CACNA1B: variants seen among roughly 807,000 people sequenced by gnomAD.
The protein encoded by CACNA1B is voltage-dependent N-type calcium channel subunit alpha-1B.
In CACNA1B, 70 loss-of-function variants were observed where a neutral mutation model predicts 247.2. The ratio of observed to expected loss-of-function variants is 0.28; its 90% CI spans 0.23 to 0.35. CACNA1B has a LOEUF of 0.35. Among genes scored for constraint, CACNA1B ranks in the 10% least tolerant of loss-of-function variants. The probability of loss-of-function intolerance (pLI) is 1.00; values close to 1 mark genes in which losing one functional copy is unlikely to be tolerated. For missense variants in CACNA1B, 2,367 were observed against 3,197.4 expected (o/e 0.74, Z 6.26); for synonymous variants, 1,231 against 1,294.4 (o/e 0.95, Z 1.05).
chr9:137,927,360 T>G (rs572193826), intron 6 of CACNA1B, among the ~76,000 whole-genome samples: 20 of 152,224 alleles, frequency 1.3e-4, no homozygotes, highest in Middle Eastern at 3.4e-3. Context: ...GTAGCTGGGA[T>G]TACAGGCATC....
At position 137,986,588 on chromosome 9, in the gene CACNA1B, G is replaced by A. The variant is rs902372834; in HGVS notation, c.1901+44G>A. ...GAGAGCTCAAGGCTGGGGGCTTGCA[G>A]GGAAGCAGAGCTCAGAGCAGACGGT... is the stretch of plus-strand genomic sequence containing the variant. On this transcript the variant is annotated intron_variant, in intron 14 of 46. Transcript: ENST00000371372. The surrounding 1 kb of genome is among the most constrained non-coding windows in gnomAD (Gnocchi z 6.0). The A allele has an allele frequency of 3.7e-6, 6 of 1,610,382 alleles. No individual in the cohort carries two copies. In the African/African-American group the frequency reaches 4.0e-5, roughly 11 times the overall value.
intron 10 of CACNA1B, among the ~76,000 whole-genome samples, chr9:137,962,160 T>C (rs1270623689): frequency 6.6e-6 from 1 of 152,316 alleles, no homozygotes; most frequent in East Asian, 1.9e-4. Flanking sequence ...TTCTAGTTTA[T>C]GTGCATAGAG....
chr9:138,066,329 C>A (rs1959913447), intron 31 of CACNA1B, among the ~76,000 whole-genome samples: 1 of 152,214 alleles, frequency 6.6e-6, no homozygotes, highest in Non-Finnish European at 1.5e-5. Context: ...CGCCTGTACT[C>A]CCAGAACTTT....
chr9:138,094,457 A>AAAAAAAAAAAAAAGAAG (rs752912258), intron 36 of CACNA1B, among the ~76,000 whole-genome samples: 263 of 134,694 alleles, frequency 2.0e-3, no homozygotes, highest in Non-Finnish European at 3.6e-3. Context: ...AAAAAAAAAA[A>AAAAAAAAAAAAAAGAAG]AAGAAGAAGA....
intron 15 of CACNA1B, among the ~76,000 whole-genome samples, chr9:137,989,329 C>T (rs1180615590): frequency 2.6e-5 from 4 of 151,948 alleles, no homozygotes; most frequent in South Asian, 4.2e-4. Context: ...ATGGGTGAGC[C>T]GGAGGATGTG....
intron 39 of CACNA1B, among the ~76,000 whole-genome samples, chr9:138,107,722 C>T (rs1257455374): frequency 1.3e-5 from 2 of 152,114 alleles, no homozygotes; most frequent in African/African-American, 2.4e-5. Flanking sequence ...CAGTGGCTCA[C>T]GTCTGTAGTC....
chr9:138,044,443 T>G (rs1164101676), intron 21 of CACNA1B, among the ~76,000 whole-genome samples: 1 of 152,220 alleles, frequency 6.6e-6, no homozygotes, highest in East Asian at 1.9e-4. Flanking sequence ...TAAGCCTGTG[T>G]GCTGGTGGGA....
chr9:138,118,748 C>G lies in CACNA1B; in HGVS notation c.6010C>G (p.Arg2004Gly). 6.6e-7 allele frequency: 1 copy of G among 1,523,516 alleles called. No individual in the cohort carries two copies. Among genetic ancestry groups the G allele is most frequent in the East Asian group, 2.5e-5 (1 of 40,682 alleles). 94.4% of individuals were successfully genotyped at this position (1,523,516 alleles called of 1,614,324 possible). Residue 2004 changes from arginine to glycine, a missense_variant, in exon 44 of 47, where the codon CGC (arginine) becomes GGC (glycine). By Grantham distance (125) the Arg-to-Gly change is moderately radical. Coordinates refer to ENST00000371372, the MANE Select transcript of CACNA1B (RefSeq NM_000718.4). ...ESQGRAASMPRLAAETQPVTD... is the reference protein window; with the variant it reads ...ESQGRAASMPGLAAETQPVTD... ...CCAGGGTCGAGCGGCCTCCATGCCC[C>G]GCCTTGCGGCCGAGACTCAGGTAGG...
rs1226060686 is a variant in CACNA1B, at chr9:137,882,663, G to A, written c.391-81G>A. ...ATAGCTGTGGCCTGCACATGGTGGGGTGGGGTCCTCACCAACCGTCTCTGC... is the reference window on the plus strand; with the variant it reads ...ATAGCTGTGGCCTGCACATGGTGGGATGGGGTCCTCACCAACCGTCTCTGC... On this transcript the variant is annotated intron_variant, in intron 2 of 46. Transcript: ENST00000371372. This position sits in a 1 kb window ranked among gnomAD's most constrained non-coding sequence, Gnocchi z 4.0. 2.9e-5 allele frequency: 45 copies of A among 1,530,768 alleles called. No homozygotes were observed. The highest frequency in any genetic ancestry group is 3.7e-5 in the Non-Finnish European group (41 of 1,111,440). 94.8% of individuals were successfully genotyped at this position (1,530,768 alleles called of 1,614,324 possible). A position where few individuals can be genotyped will look rare whatever the true frequency, so the allele number is the denominator to read the frequency against.
In CACNA1B at chr9:138,085,495, T is replaced by A. The variant is rs1351219680; in HGVS notation, c.5094+7237T>A. Among the ~76,000 whole-genome samples, 4 of 151,230 alleles carry A rather than the reference T, an allele frequency of 2.6e-5. No homozygotes were observed. The East Asian group carries it at 8.1e-4, about 31-fold the overall frequency. On this transcript the variant is annotated intron_variant, in intron 36 of 46. Transcript: ENST00000371372. Reference sequence around the variant, plus strand: ...AAGTAATAGCTGGAAAATTCCCAAGTCTGGGGAGAGATGTGGACATCCAAA... The same window carrying A: ...AAGTAATAGCTGGAAAATTCCCAAGACTGGGGAGAGATGTGGACATCCAAA...
At position 138,057,745 on chromosome 9, in the gene CACNA1B, G is replaced by A. The variant is rs747771087; in HGVS notation, c.3982G>A (p.Asp1328Asn). Residue 1328 changes from aspartate to asparagine, a missense_variant, in exon 27 of 47, where the codon GAT becomes AAT. This residue lies in a region of CACNA1B where 436 missense variants were observed against 679.5 expected (regional missense o/e 0.64). Coordinates refer to ENST00000371372, the MANE Select transcript of CACNA1B (RefSeq NM_000718.4). This position sits in a 1 kb window ranked among gnomAD's most constrained non-coding sequence, Gnocchi z 4.0. ...TCTCATTCCTAGGGGTCAGTATTTG[G>A]ATTATGAGAAGGAGGAAGTGGAAGC... ...LERDCRGQYL[D>N]YEKEEVEAQP... 15 of 1,612,262 alleles carry A rather than the reference G, an allele frequency of 9.3e-6. No individual in the cohort carries two copies. Among genetic ancestry groups the A allele is most frequent in the Non-Finnish European group, 1.3e-5 (15 of 1,178,888 alleles).
chr9:138,041,773 T>A (rs533974666), intron 20 of CACNA1B, among the ~76,000 whole-genome samples: 1 of 152,306 alleles, frequency 6.6e-6, no homozygotes, highest in South Asian at 2.1e-4. Context: ...TTATTTATTT[T>A]AGAGACAATC....
intron 20 of CACNA1B, among the ~76,000 whole-genome samples, chr9:138,037,689 A>G (rs945946049): frequency 2.6e-5 from 4 of 152,158 alleles, no homozygotes; most frequent in East Asian, 1.9e-4. Flanking sequence ...AAAAGAGAGA[A>G]AAAATCCAGT....
At chr9:137,915,834 A>G (rs1341831263) in intron 5 of CACNA1B, among the ~76,000 whole-genome samples, 2 of 151,916 alleles carry the variant, frequency 1.3e-5, no homozygotes, top group Non-Finnish European at 2.9e-5. Flanking sequence ...AAAAAAAAAA[A>G]AAAGAACTGG....
intron 36 of CACNA1B, 90 bp downstream of exon 36, chr9:138,078,348 C>G (rs1470443560): frequency 7.7e-7 from 1 of 1,300,164 alleles, no homozygotes. Context: ...ATCCCTGACT[C>G]TGATCCAGGC....
intron 3 of CACNA1B, among the ~76,000 whole-genome samples, chr9:137,903,610 T>G (rs1957264622): frequency 6.6e-6 from 1 of 152,194 alleles, no homozygotes; most frequent in Non-Finnish European, 1.5e-5. Context: ...ATCATTTTGT[T>G]GTAGTCCCAA....
In CACNA1B at chr9:137,973,232, T is replaced by C. The variant is rs1449101463; in HGVS notation, c.1543+1640T>C. On this transcript the variant is annotated intron_variant, in intron 11 of 46. Transcript: ENST00000371372. The surrounding 1 kb of genome is among the most constrained non-coding windows in gnomAD (Gnocchi z 4.1). ...CTACTGTGTCTTCTCTGTGGTTTCC[T>C]GGAGTTCCTGGCTTCATTGTGTCAC... Among the ~76,000 whole-genome samples, 1 of 152,158 alleles carries C rather than the reference T, an allele frequency of 6.6e-6. No homozygotes were observed. Among genetic ancestry groups the C allele is most frequent in the African/African-American group, 2.4e-5 (1 of 41,424 alleles).
chr9:137,943,320 T>G (rs1008731783), intron 6 of CACNA1B, among the ~76,000 whole-genome samples: 1 of 152,220 alleles, frequency 6.6e-6, no homozygotes, highest in African/African-American at 2.4e-5. Flanking sequence ...AGAGTTTGAT[T>G]AGCTCTTTCC....
In CACNA1B at chr9:138,057,920, G is replaced by A. The variant is rs1026993183; in HGVS notation, c.4106+51G>A. 1.6e-5 allele frequency: 26 copies of A among 1,585,776 alleles called. No homozygotes were observed. Among genetic ancestry groups the A allele is most frequent in the African/African-American group, 5.4e-5 (4 of 74,376 alleles). ...GCTGGGGCAGGCAGCCCCTGAGCTC[G>A]GCCTCCCTTCCTCCCTCTATCCCTG... On this transcript the variant is annotated intron_variant, in intron 27 of 46. Coordinates refer to ENST00000371372, the MANE Select transcript of CACNA1B (RefSeq NM_000718.4). This position sits in a 1 kb window ranked among gnomAD's most constrained non-coding sequence, Gnocchi z 4.0.
Sources: gnomAD v4.1 joint callset for allele counts (sites outside exome capture counted in the v4.1 genomes callset) on GRCh38, gnomAD v4.1.1 for gene constraint, gnomAD v4.1.1 regional missense constraint, Gnocchi (gnomAD v3.1) non-coding constraint, MANE v1.5 for transcripts, NCBI Gene and HGNC (gene_info 2026-07-23, HGNC 2026-07-21) for gene names.